CERS5: variants seen among roughly 807,000 people sequenced by gnomAD.
CERS5 encodes ceramide synthase 5, also known as LAG1 homolog, ceramide synthase 5.
A neutral mutation model predicts 58.9 loss-of-function variants in CERS5; 37 were observed. That is an observed-to-expected ratio of 0.63 (90% CI 0.48 to 0.83). The LOEUF is 0.83. Ranked by LOEUF, CERS5 falls within the 40% of genes least tolerant of loss-of-function variation. The pLI is 0.00. For missense variants in CERS5, 398 were observed against 489.3 expected, an observed-to-expected ratio of 0.81 and a Z score of 1.76; for synonymous variants, 147 against 177.8, an observed-to-expected ratio of 0.83 and a Z score of 1.38.
rs757948852 is a variant in CERS5, at chr12:50,135,488, C to A, written c.872+244G>T. Reference sequence around the variant, plus strand: ...GATGAGTCAGTCCTGAGAAGCCAACCAAGCCGGGTACTCTGAGTCTGGATC... The same window carrying A: ...GATGAGTCAGTCCTGAGAAGCCAACAAAGCCGGGTACTCTGAGTCTGGATC... On this transcript the variant is annotated intron_variant, in intron 8 of 9. Coordinates refer to ENST00000317551, the MANE Select transcript of CERS5 (RefSeq NM_147190.5). 7.3e-6 allele frequency: 5 copies of A among 685,328 alleles called. No homozygotes were observed. In the South Asian group the frequency reaches 7.5e-5, roughly 10 times the overall value. 42.5% of individuals were successfully genotyped at this position (685,328 alleles called of 1,614,324 possible).
intron 9 of CERS5, chr12:50,134,198 T>C (rs1317367971): frequency 5.9e-6 from 2 of 341,866 alleles, no homozygotes; most frequent in Non-Finnish European, 1.1e-5. Context: ...CTGGGTAACA[T>C]AGTGACACCC....
rs1361686472 is a variant in CERS5, at chr12:50,136,465, T to C, written c.637-396A>G. 2.7e-5 allele frequency among the ~76,000 whole-genome samples: 3 copies of C among 110,686 alleles called. No individual in the cohort carries two copies. In the East Asian group the frequency reaches 1.0e-3, roughly 37 times the overall value. The allele number at this position is 110,686 out of a possible 152,430, so 72.6% of individuals were successfully genotyped here. A position where few individuals can be genotyped will look rare whatever the true frequency, so the allele number is the denominator to read the frequency against. ...TCCAGCCTGGGCGACAGACTGAGATTCCGTCTCAAAAAAAAAAAAAAAGTT... is the reference window on the plus strand; with the variant it reads ...TCCAGCCTGGGCGACAGACTGAGATCCCGTCTCAAAAAAAAAAAAAAAGTT... On this transcript the variant is annotated intron_variant, in intron 6 of 9. Coordinates refer to ENST00000317551, the MANE Select transcript of CERS5 (RefSeq NM_147190.5).
At chr12:50,148,584 A>G (rs1221996483) in intron 1 of CERS5, 2 of 343,274 alleles carry the variant, frequency 5.8e-6, no homozygotes, top group South Asian at 2.0e-5. Flanking sequence ...GCGACAAAGC[A>G]GACTCTGTCT....
chr12:50,152,742 T>C (rs764591772), intron 1 of CERS5, among the ~76,000 whole-genome samples: 13 of 152,074 alleles, frequency 8.5e-5, no homozygotes, highest in Non-Finnish European at 1.8e-4. Context: ...AGACTAACGT[T>C]AGTCAGCTCT....
intron 9 of CERS5, chr12:50,133,025 A>C: frequency 7.8e-7 from 1 of 1,289,196 alleles, no homozygotes; most frequent in Non-Finnish European, 1.0e-6. Context: ...GTGAGGAAAG[A>C]GTGGAGAGTA....
intron 2 of CERS5, chr12:50,143,523 GA>G: frequency 3.4e-6 from 1 of 290,042 alleles, no homozygotes; most frequent in Non-Finnish European, 6.4e-6. Context: ...AGGGCCGAAG[GA>G]TGGCTTGAGC....
At position 50,167,100 on chromosome 12, in the gene CERS5, C is replaced by T; in HGVS notation, c.197+1G>A. On this transcript the variant is annotated splice_donor_variant, in intron 1 of 9. Transcript: ENST00000317551. LOFTEE classifies it high-confidence loss of function. ...CGAGCCGCTCGCTCCCGGGCTCTCA[C>T]CGCTCGAAGAGCAGCCTCACGAAGA... 1 of 1,533,764 alleles carries T rather than the reference C, an allele frequency of 6.5e-7. No individual in the cohort carries two copies. The highest frequency in any genetic ancestry group is 1.7e-4 in the Middle Eastern group (1 of 5,804).
chr12:50,153,482 G>A (rs1369556377), intron 1 of CERS5, among the ~76,000 whole-genome samples: 3 of 151,462 alleles, frequency 2.0e-5, no homozygotes, highest in South Asian at 4.2e-4. Flanking sequence ...GTTTCACCAT[G>A]TTGGCCAGGA....
chr12:50,145,137 C>CAAAAAAAAA (rs1165575166), intron 1 of CERS5: 1 of 78,452 alleles, frequency 1.3e-5, no homozygotes, highest in East Asian at 3.3e-4. Context: ...GAATCCGTCT[C>CAAAAAAAAA]AAAAAAAAAA....
At chr12:50,167,054 C>CCCCGGCCCGCG (rs1166336542) in intron 1 of CERS5, 47 bp downstream of exon 1, 6 of 1,417,874 alleles carry the variant, frequency 4.2e-6, no homozygotes, top group Non-Finnish European at 5.6e-6. Flanking sequence ...AGCGGGGCGC[C>CCCCGGCCCGCG]CCCGGCCCGC....
At chr12:50,164,386 G>A (rs942807417) in intron 1 of CERS5, among the ~76,000 whole-genome samples, 2 of 151,872 alleles carry the variant, frequency 1.3e-5, no homozygotes, top group South Asian at 2.1e-4. Context: ...AGTGAGCTTC[G>A]TGCCACTGCA....
At chr12:50,158,077 A>AG (rs1456027189) in intron 1 of CERS5, among the ~76,000 whole-genome samples, 24 of 151,872 alleles carry the variant, frequency 1.6e-4, no homozygotes, top group African/African-American at 4.3e-4. Flanking sequence ...AAAAAAAAAA[A>AG]AAAAAAATCT....
intron 4 of CERS5, among the ~76,000 whole-genome samples, chr12:50,139,495 C>G (rs1951852242): frequency 6.7e-6 from 1 of 150,000 alleles, no homozygotes; most frequent in Non-Finnish European, 1.5e-5. Flanking sequence ...AAAAACAAAA[C>G]AAAACAAAAC....
At chr12:50,144,732 T>C in intron 1 of CERS5, 1 of 1,233,606 alleles carries the variant, frequency 8.1e-7, no homozygotes. Flanking sequence ...GTCTCAGATC[T>C]ACTAATAAGG....
Position 50,158,399 on chromosome 12 carries a change from TTTTA to T in CERS5, c.197+8698_197+8701del, listed in dbSNP as rs762765039. Among the ~76,000 whole-genome samples, 3 of 152,188 alleles carry T rather than the reference TTTTA, an allele frequency of 2.0e-5. No homozygotes were observed. In the East Asian group the frequency reaches 5.8e-4, roughly 29 times the overall value. ...ATCCTTGGCACATAGTTTGATACCT[TTTTA>T]TTTATTTTTACATTTTTCTTGTCCA... On this transcript the variant is annotated intron_variant, in intron 1 of 9. Coordinates refer to ENST00000317551, the MANE Select transcript of CERS5 (RefSeq NM_147190.5).
At chr12:50,150,136 C>T (rs905184958) in intron 1 of CERS5, among the ~76,000 whole-genome samples, 5 of 152,102 alleles carry the variant, frequency 3.3e-5, no homozygotes, top group African/African-American at 9.7e-5. Flanking sequence ...CCAAAGTAGA[C>T]ATATAAAAAG....
intron 1 of CERS5, among the ~76,000 whole-genome samples, chr12:50,149,268 G>A (rs966327294): frequency 6.6e-6 from 1 of 152,014 alleles, no homozygotes; most frequent in Non-Finnish European, 1.5e-5. Context: ...ATTTTAGTAA[G>A]TAGGCATTTA....
intron 1 of CERS5, among the ~76,000 whole-genome samples, chr12:50,161,869 C>T (rs1422235829): frequency 3.0e-5 from 2 of 67,318 alleles, no homozygotes; most frequent in Non-Finnish European, 2.5e-5. Context: ...TGTTCTTCTT[C>T]TTTTTTTTTT....
chr12:50,148,920 A>AC, intron 1 of CERS5, among the ~76,000 whole-genome samples: 1 of 98,014 alleles, frequency 1.0e-5, no homozygotes, highest in South Asian at 3.8e-4. Flanking sequence ...AAAAAAAAAA[A>AC]AAAAAAAATA....
Sources: gnomAD v4.1 joint callset for allele counts (sites outside exome capture counted in the v4.1 genomes callset) on GRCh38, gnomAD v4.1.1 for gene constraint, MANE v1.5 for transcripts, NCBI Gene and HGNC (gene_info 2026-07-23, HGNC 2026-07-21) for gene names.